Variants in GLIS3 observed in about 807,000 individuals in gnomAD.
GLIS3 encodes GLIS family zinc finger 3.
Under a neutral mutation model 78.6 loss-of-function variants are expected in GLIS3, and 53 were observed. That is an observed-to-expected ratio of 0.67 (90% confidence interval 0.54 to 0.85). GLIS3 has a LOEUF of 0.85. Among genes scored for constraint, GLIS3 ranks in the 40% least tolerant of loss-of-function variants. GLIS3 has a pLI of 0.00. For synonymous variants in GLIS3, 684 were observed against 509.9 expected (o/e 1.34, Z -4.60); for missense variants, 1,703 against 1,231.1 (o/e 1.38, Z -5.74).
intron 2 of GLIS3, among the ~76,000 whole-genome samples, chr9:4,159,710 C>G (rs1377611732): frequency 1.4e-5 from 2 of 142,014 alleles, no homozygotes; most frequent in African/African-American, 5.0e-5. Flanking sequence ...AGAAGTGAGA[C>G]TCCATTTCAA....
the GLIS3 span, among the ~76,000 whole-genome samples, chr9:4,414,526 A>G: frequency 6.6e-6 from 1 of 152,178 alleles, no homozygotes; most frequent in East Asian, 1.9e-4. Flanking sequence ...GTTAAAAAAG[A>G]TTATACCTAT....
chr9:4,307,912 C>G (rs1587376294), intron 4 of GLIS3, among the ~76,000 whole-genome samples: 1 of 152,304 alleles, frequency 6.6e-6, no homozygotes, highest in East Asian at 1.9e-4. Context: ...TCCTACAAAA[C>G]TGTAAGATAG....
At chr9:4,273,699 T>C (rs1238705608) in intron 2 of GLIS3, among the ~76,000 whole-genome samples, 1 of 152,220 alleles carries the variant, frequency 6.6e-6, no homozygotes, top group African/African-American at 2.4e-5. Context: ...TGTTCCACCA[T>C]CTTACGTGTG....
intron 4 of GLIS3, among the ~76,000 whole-genome samples, chr9:4,017,533 G>T (rs1822537810): frequency 6.6e-6 from 1 of 152,142 alleles, no homozygotes. Flanking sequence ...ACTGGAGAAG[G>T]GAGACATCTC....
intron 2 of GLIS3, among the ~76,000 whole-genome samples, chr9:4,174,671 T>C (rs1367927553): frequency 6.6e-6 from 1 of 152,226 alleles, no homozygotes; most frequent in African/African-American, 2.4e-5. Context: ...TTAACCTCCT[T>C]TTTAATTAAT....
chr9:4,126,006 T>C, intron 2 of GLIS3, 65 bp from the exon 3 acceptor site: 5 of 1,237,630 alleles, frequency 4.0e-6, no homozygotes, highest in Non-Finnish European at 5.9e-6. Flanking sequence ...AATACAGACA[T>C]GTGCACGCTT....
At chr9:3,916,227 G>A (rs1163654204) in intron 6 of GLIS3, among the ~76,000 whole-genome samples, 2 of 152,174 alleles carry the variant, frequency 1.3e-5, no homozygotes, top group African/African-American at 4.8e-5. Context: ...TCAAGGAAAG[G>A]TAGTATGTGA....
intron 9 of GLIS3, among the ~76,000 whole-genome samples, chr9:3,851,221 A>C (rs756599494): frequency 7.2e-5 from 11 of 152,052 alleles, no homozygotes; most frequent in Non-Finnish European, 1.6e-4. Context: ...ACACATATCA[A>C]CTCTTGGGCA....
At chr9:4,390,187 AAGTTGGAGGGGGAAAGCAGC>A in the GLIS3 span, among the ~76,000 whole-genome samples, 1 of 152,200 alleles carries the variant, frequency 6.6e-6, no homozygotes, top group Non-Finnish European at 1.5e-5. Flanking sequence ...GTGGAGAATA[AAGTTGGAGGGGGAAAGCAGC>A]AGCCGCAGCT....
chr9:4,154,027 A>C (rs1344679006), intron 2 of GLIS3, among the ~76,000 whole-genome samples: 1 of 152,214 alleles, frequency 6.6e-6, no homozygotes, highest in East Asian at 1.9e-4. Context: ...GCTGGCTATC[A>C]GCTAGGAGCT....
At chr9:4,399,003 T>A in the GLIS3 span, among the ~76,000 whole-genome samples, 1 of 152,198 alleles carries the variant, frequency 6.6e-6, no homozygotes, top group African/African-American at 2.4e-5. Flanking sequence ...AGTTCTTAGA[T>A]TCCTTTGTTT....
chr9:4,007,579 GA>G lies in GLIS3; in HGVS notation c.1711-70391del, dbSNP rs200110009. Among the ~76,000 whole-genome samples, 1,157 of 151,984 alleles carry G rather than the reference GA, an allele frequency of 7.6e-3. 6 individuals carry two copies. The highest frequency in any genetic ancestry group is 0.011 in the Non-Finnish European group (730 of 67,956). On this transcript the variant is annotated intron_variant, in intron 4 of 10. Coordinates refer to ENST00000381971, the MANE Select transcript of GLIS3 (RefSeq NM_001042413.2). The stretch of plus-strand genomic sequence containing the variant: ...CAATGGGGATTCATCAACAATTTAA[GA>G]AAAAAGCCTAAAGACACCAAAATAA...
intron 2 of GLIS3, among the ~76,000 whole-genome samples, chr9:4,271,713 T>C (rs1826529044): frequency 6.6e-6 from 1 of 152,090 alleles, no homozygotes; most frequent in Non-Finnish European, 1.5e-5. Context: ...CAACCAAAAG[T>C]CTTGAATAAG....
intron 4 of GLIS3, among the ~76,000 whole-genome samples, chr9:3,975,481 G>A (rs1034890034): frequency 1.3e-5 from 2 of 151,974 alleles, no homozygotes; most frequent in African/African-American, 4.8e-5. Context: ...TGACTTTTTG[G>A]AATACAAACC....
At chr9:4,100,638 CTCTT>C (rs1830301781) in intron 4 of GLIS3, among the ~76,000 whole-genome samples, 2 of 152,132 alleles carry the variant, frequency 1.3e-5, no homozygotes, top group South Asian at 2.1e-4. Context: ...CCAGTGGTGT[CTCTT>C]TCTTTTTAAT....
At chr9:4,103,895 T>C (rs1830561558) in intron 4 of GLIS3, among the ~76,000 whole-genome samples, 1 of 152,132 alleles carries the variant, frequency 6.6e-6, no homozygotes, top group Admixed American at 6.6e-5. Context: ...CCCCTTGCAA[T>C]TCTCCTTGAT....
the GLIS3 span, among the ~76,000 whole-genome samples, chr9:4,367,185 G>A: frequency 1.3e-5 from 2 of 152,114 alleles, no homozygotes; most frequent in Non-Finnish European, 2.9e-5. Flanking sequence ...ATCATGGCTT[G>A]TAAGCCGCCG....
rs1817664241 is a variant in GLIS3 at position 3,825,228 on chromosome 9, AAAG to A, written c.*3041_*3043del. 1 of 152,148 alleles carries A rather than the reference AAAG, an allele frequency of 6.6e-6. No homozygotes were observed. The highest frequency in any genetic ancestry group is 6.5e-5 in the Admixed American group (1 of 15,274). The allele number at this position is 152,148 out of a possible 1,614,324, so 9.4% of individuals were successfully genotyped here. On this transcript the variant is annotated 3_prime_UTR_variant, in exon 11 of 11. Transcript: ENST00000381971. ...AGTGGTAACTCTGCTGTGATCTACT[AAAG>A]ACCTTTTTTTTTCTTCTTATTTTAT...
At chr9:4,327,305 T>C (rs1025509483) in intron 2 of GLIS3, among the ~76,000 whole-genome samples, 1 of 152,064 alleles carries the variant, frequency 6.6e-6, no homozygotes, top group African/African-American at 2.4e-5. Context: ...TAGGGCCATG[T>C]TGTATTCAGA....
Sources: gnomAD v4.1 joint callset for allele counts (sites outside exome capture counted in the v4.1 genomes callset) on GRCh38, gnomAD v4.1.1 for gene constraint, MANE v1.5 for transcripts, NCBI Gene and HGNC (gene_info 2026-07-23, HGNC 2026-07-21) for gene names.